RAD54B: variants seen among roughly 807,000 people sequenced by gnomAD.
RAD54B encodes RAD54 homolog B.
Under a neutral mutation model 95.8 loss-of-function variants are expected in RAD54B, and 78 were observed. That is an observed-to-expected ratio of 0.81 (90% CI 0.68 to 0.98). The LOEUF is 0.98. RAD54B is among the 50% of genes least tolerant of loss of function. The pLI is 0.00. For missense variants in RAD54B, 957 were observed against 1,056.6 expected (o/e 0.91, Z 1.31); for synonymous variants, 328 against 354.9 (o/e 0.92, Z 0.85).
intron 5 of RAD54B, among the ~76,000 whole-genome samples, chr8:94,406,011 C>CAT (rs1811381168): frequency 1.4e-5 from 2 of 141,844 alleles, no homozygotes; most frequent in Non-Finnish European, 3.1e-5. Flanking sequence ...TTTACACACA[C>CAT]ACACACACAC....
At chr8:94,431,319 C>A (rs1047576664) in intron 3 of RAD54B, 2 of 976,686 alleles carry the variant, frequency 2.0e-6, no homozygotes, top group African/African-American at 3.5e-5. Context: ...TATATAATAG[C>A]TTCAATGGAA....
At chr8:94,413,165 A>G (rs1040011032) in intron 3 of RAD54B, among the ~76,000 whole-genome samples, 2 of 152,348 alleles carry the variant, frequency 1.3e-5, no homozygotes, top group South Asian at 4.1e-4. Flanking sequence ...ATTTAACACA[A>G]TACCAATCAA....
chr8:94,445,287 GCC>G (rs1215465506), intron 3 of RAD54B, among the ~76,000 whole-genome samples: 1 of 152,036 alleles, frequency 6.6e-6, no homozygotes, highest in African/African-American at 2.4e-5. Flanking sequence ...CTCCCAAAAG[GCC>G]CTACCTCCTA....
intron 14 of RAD54B, among the ~76,000 whole-genome samples, chr8:94,376,860 A>T (rs1810588472): frequency 6.6e-6 from 1 of 151,224 alleles, no homozygotes; most frequent in South Asian, 2.1e-4. Flanking sequence ...ATAAAGAAAC[A>T]TTTCCATAGA....
At chr8:94,400,531 G>A in intron 6 of RAD54B, 68 bp from the exon 7 acceptor site, 1 of 1,299,822 alleles carries the variant, frequency 7.7e-7, no homozygotes, top group Non-Finnish European at 1.1e-6. Context: ...AAATCATCAA[G>A]AACCAGAAAC....
At chr8:94,431,208 T>A (rs979413600) in intron 3 of RAD54B, 1 of 939,484 alleles carries the variant, frequency 1.1e-6, no homozygotes, top group African/African-American at 1.8e-5. Context: ...ATACATAAAA[T>A]TTTAATTTTG....
At chr8:94,436,434 G>A (rs1192889794) in intron 3 of RAD54B, 2 of 1,464,906 alleles carry the variant, frequency 1.4e-6, no homozygotes, top group Non-Finnish European at 1.8e-6. Flanking sequence ...TCACGACTAA[G>A]CCAAAGCCCA....
intron 14 of RAD54B, among the ~76,000 whole-genome samples, chr8:94,377,957 C>A: frequency 8.8e-6 from 1 of 113,288 alleles, no homozygotes; most frequent in Non-Finnish European, 1.7e-5. Flanking sequence ...GCCTGGGCGA[C>A]AGAGCGAGAC....
intron 5 of RAD54B, among the ~76,000 whole-genome samples, chr8:94,406,987 A>G (rs1436772991): frequency 6.6e-6 from 1 of 152,198 alleles, no homozygotes; most frequent in Non-Finnish European, 1.5e-5. Flanking sequence ...AACTTTCACT[A>G]GTAAAATTTG....
At chr8:94,429,105 TTGC>T (rs1398054387) in intron 3 of RAD54B, 1 of 985,204 alleles carries the variant, frequency 1.0e-6, no homozygotes, top group Non-Finnish European at 1.2e-6. Flanking sequence ...CTTGGAAAAG[TTGC>T]TGCAGTAAAC....
At chr8:94,372,767 T>C (rs181922636) in intron 14 of RAD54B, among the ~76,000 whole-genome samples, 146 of 152,316 alleles carry the variant, frequency 9.6e-4, no homozygotes, top group African/African-American at 3.4e-3. Context: ...CAGCATTCCA[T>C]AATGAAACTC....
chr8:94,458,134 C>G, intron 3 of RAD54B, 134 bp downstream of exon 3: 1 of 771,732 alleles, frequency 1.3e-6, no homozygotes, highest in Non-Finnish European at 1.9e-6. Flanking sequence ...AACAAAAAAC[C>G]TGAACTACCA....
intron 3 of RAD54B, among the ~76,000 whole-genome samples, chr8:94,455,023 A>C (rs1812749460): frequency 6.6e-6 from 1 of 152,070 alleles, no homozygotes. Context: ...TAAAACAAAA[A>C]CACAACAAAA....
chr8:94,372,035 A>C lies in RAD54B; in HGVS notation c.*135T>G. The C allele has an allele frequency of 3.6e-6, 5 of 1,372,446 alleles. No homozygotes were observed. Among genetic ancestry groups the C allele is most frequent in the Non-Finnish European group, 4.7e-6 (5 of 1,053,520 alleles). 85.0% of individuals were successfully genotyped at this position (1,372,446 alleles called of 1,614,324 possible). A position where few individuals can be genotyped will look rare whatever the true frequency, so the allele number is the denominator to read the frequency against. On this transcript the variant is annotated 3_prime_UTR_variant, in exon 15 of 15. Coordinates refer to ENST00000336148, the MANE Select transcript of RAD54B (RefSeq NM_012415.3). ...CAAAACATTAAACCACTCAATTTTG[A>C]CTATTGTATCAAAAGTGATATATTT...
intron 8 of RAD54B, among the ~76,000 whole-genome samples, chr8:94,399,201 G>C (rs1237562504): frequency 6.6e-6 from 1 of 152,054 alleles, no homozygotes; most frequent in Non-Finnish European, 1.5e-5. Context: ...TGATATCATT[G>C]TGTTTATTCC....
intron 13 of RAD54B, 62 bp from the exon 14 acceptor site, chr8:94,378,442 AT>A: frequency 6.6e-7 from 1 of 1,515,166 alleles, no homozygotes; most frequent in Admixed American, 1.9e-5. Context: ...TTTGTTGGGT[AT>A]AATGTTTAGT....
At chr8:94,392,296 C>T (rs973364881) in intron 9 of RAD54B, among the ~76,000 whole-genome samples, 6 of 152,186 alleles carry the variant, frequency 3.9e-5, no homozygotes, top group African/African-American at 7.2e-5. Flanking sequence ...GAGTCCTGCT[C>T]TATCACCCAG....
intron 3 of RAD54B, among the ~76,000 whole-genome samples, chr8:94,423,651 A>G (rs988331566): frequency 1.3e-5 from 2 of 152,174 alleles, no homozygotes; most frequent in South Asian, 2.1e-4. Context: ...TGTAGCTGTC[A>G]TGGGTTATTT....
intron 3 of RAD54B, chr8:94,431,921 A>G: frequency 8.1e-7 from 1 of 1,233,320 alleles, no homozygotes; most frequent in African/African-American, 1.6e-5. Flanking sequence ...GGAAAAAAAA[A>G]AGAAGACAAT....
Sources: allele counts gnomAD v4.1 joint callset (sites outside exome capture counted in the v4.1 genomes callset), GRCh38; gene constraint gnomAD v4.1.1; transcripts MANE v1.5; gene names NCBI Gene and HGNC (gene_info 2026-07-23, HGNC 2026-07-21).